The following ERICH2 variants were observed in gnomAD, a reference collection of about 807,000 sequenced individuals.
ERICH2 encodes glutamate rich 2.
In ERICH2, 17 loss-of-function variants were observed where a neutral mutation model predicts 17.4. The observed-to-expected ratio is 0.98, with a 90% CI of 0.67 to 1.47. The LOEUF (loss-of-function observed/expected upper bound fraction) is 1.47. Ranked by LOEUF, ERICH2 falls within the 40% of genes most tolerant of loss-of-function variation. ERICH2 has a pLI of 0.00. For synonymous variants in ERICH2, 51 were observed against 61.1 expected (o/e 0.83, Z 0.77); for missense variants, 186 against 183.2 (o/e 1.01, Z -0.09).
chr2:170,779,931 G>A, upstream of ERICH2: 1 of 614,344 alleles, frequency 1.6e-6, no homozygotes, highest in Non-Finnish European at 2.0e-6. Flanking sequence ...TGTTTGACAA[G>A]TATAAATCAT....
At chr2:170,774,564 CT>C in the ERICH2 span, among the ~76,000 whole-genome samples, 5 of 98,544 alleles carry the variant, frequency 5.1e-5, no homozygotes, top group Admixed American at 1.1e-4. Context: ...AGAGCCCCAT[CT>C]TTTTTTTTTT....
upstream of ERICH2, chr2:170,782,238 TAGGA>T (rs991585765): frequency 3.3e-6 from 3 of 913,050 alleles, no homozygotes; most frequent in Middle Eastern, 5.5e-4. Flanking sequence ...GTCTAACATA[TAGGA>T]AGGAAGTCCC....
rs1294213885 is a variant in ERICH2 at position 170,797,984 on chromosome 2, T to C, written c.275-57T>C. On this transcript the variant is annotated intron_variant, in intron 3 of 4. Coordinates refer to ENST00000409885, the Ensembl canonical transcript of ERICH2. ...GTTCAATTTCATTCTAAGGAGCCTG[T>C]TTGCTGCAACACTGAACGTTAATAA... 2.6e-5 allele frequency: 32 copies of C among 1,215,722 alleles called. No homozygotes were observed. The Admixed American group carries it at 5.7e-4, about 22-fold the overall frequency. 75.3% of individuals were successfully genotyped at this position (1,215,722 alleles called of 1,614,324 possible). A position where few individuals can be genotyped will look rare whatever the true frequency, so the allele number is the denominator to read the frequency against.
chr2:170,776,592 G>A, the ERICH2 span, among the ~76,000 whole-genome samples: 1 of 152,066 alleles, frequency 6.6e-6, no homozygotes, highest in Admixed American at 6.6e-5. Context: ...TGGTCAGGTT[G>A]GTCTCGAACT....
chr2:170,774,136 T>C, the ERICH2 span, among the ~76,000 whole-genome samples: 1 of 152,212 alleles, frequency 6.6e-6, no homozygotes, highest in Non-Finnish European at 1.5e-5. Context: ...ATCTGTGTTC[T>C]AAATTAGTCT....
At chr2:170,781,633 A>T (rs75444000), upstream of ERICH2, among the ~76,000 whole-genome samples, 1 of 85,528 alleles carries the variant, frequency 1.2e-5, no homozygotes, top group Non-Finnish European at 3.1e-5. Flanking sequence ...ACTTGGTCTA[A>T]AAAAAAAAAA....
chr2:170,783,690 T>A (rs971459323), upstream of ERICH2: 1 of 1,173,716 alleles, frequency 8.5e-7, no homozygotes, highest in South Asian at 1.5e-5. Flanking sequence ...TCTCTCATGC[T>A]GCTAACTGTT....
the ERICH2 span, among the ~76,000 whole-genome samples, chr2:170,772,103 T>A: frequency 6.6e-6 from 1 of 152,222 alleles, no homozygotes; most frequent in Non-Finnish European, 1.5e-5. Flanking sequence ...CAATAACATT[T>A]CTCTTTACGT....
upstream of ERICH2, among the ~76,000 whole-genome samples, chr2:170,781,837 G>A (rs917637571): frequency 1.0e-4 from 12 of 116,020 alleles, no homozygotes; most frequent in African/African-American, 3.0e-4. Flanking sequence ...TATGTCCAAG[G>A]GCTAATATTA....
chr2:170,792,980 G>A (rs530731501), intron 3 of ERICH2, 60 bp downstream of exon 8: 1,619 of 1,013,114 alleles, frequency 1.6e-3, no homozygotes, highest in Non-Finnish European at 2.1e-3. Context: ...AATGAATTCC[G>A]TAATATATAA....
At chr2:170,792,618 C>G (rs1028275600) in intron 2 of ERICH2, among the ~76,000 whole-genome samples, 2 of 152,122 alleles carry the variant, frequency 1.3e-5, no homozygotes, top group Non-Finnish European at 2.9e-5. Context: ...TCAAATTGTT[C>G]AGTAGTACAT....
intron 4 of ERICH2, 124 bp downstream of exon 9, chr2:170,798,236 G>A: frequency 1.5e-6 from 1 of 687,324 alleles, no homozygotes; most frequent in Non-Finnish European, 2.5e-6. Context: ...CTAAATGGCT[G>A]TCTTAAATGG....
At chr2:170,793,995 CT>C (rs945612265) in intron 3 of ERICH2, among the ~76,000 whole-genome samples, 2 of 151,148 alleles carry the variant, frequency 1.3e-5, no homozygotes, top group African/African-American at 4.9e-5. Context: ...ACAAATTAGA[CT>C]TTTTTTTCAT....
chr2:170,788,679 A>G (rs984986002), intron 2 of ERICH2, among the ~76,000 whole-genome samples: 26 of 152,042 alleles, frequency 1.7e-4, no homozygotes, highest in Non-Finnish European at 4.4e-5. Flanking sequence ...GGGTTTCACC[A>G]TGTTGGCCAG....
At chr2:170,778,419 A>G in the ERICH2 span, among the ~76,000 whole-genome samples, 1 of 152,130 alleles carries the variant, frequency 6.6e-6, no homozygotes, top group South Asian at 2.1e-4. Context: ...GTTTTTGTTT[A>G]TTCTAAATAT....
chr2:170,783,686 ATGC>A, upstream of ERICH2: 1 of 1,140,274 alleles, frequency 8.8e-7, no homozygotes, highest in Admixed American at 2.2e-5. Flanking sequence ...AACTTCTCTC[ATGC>A]TGCTAACTGT....
the ERICH2 span, among the ~76,000 whole-genome samples, chr2:170,771,922 A>G: frequency 6.6e-6 from 1 of 152,242 alleles, no homozygotes; most frequent in Non-Finnish European, 1.5e-5. The surrounding 1 kb of genome is among the most constrained non-coding windows in gnomAD (Gnocchi z 4.8). Flanking sequence ...AACCCCTGGA[A>G]GTCGCTTTTT....
chr2:170,794,522 A>G (rs57982326), intron 3 of ERICH2, among the ~76,000 whole-genome samples: 4,322 of 152,258 alleles, frequency 0.028, 219 homozygotes, highest in African/African-American at 0.099. Context: ...AGTGAGTCCA[A>G]GGTTGTCTTT....
intron 4 of ERICH2, 119 bp from the exon 10 acceptor site, chr2:170,798,651 A>G (rs576074702): frequency 2.4e-6 from 3 of 1,264,644 alleles, no homozygotes; most frequent in African/African-American, 3.0e-5. Flanking sequence ...GCCAAGTCCA[A>G]CTCAGTTCTT....
Sources: gnomAD v4.1 joint callset for allele counts (sites outside exome capture counted in the v4.1 genomes callset) on GRCh38, gnomAD v4.1.1 for gene constraint, Gnocchi (gnomAD v3.1) non-coding constraint, MANE v1.5 for transcripts, NCBI Gene and HGNC (gene_info 2026-07-23, HGNC 2026-07-21) for gene names.